SYNE2: variants seen among roughly 807,000 people sequenced by gnomAD.
SYNE2 encodes spectrin repeat containing nuclear envelope protein 2, also known as nesprin-2.
SYNE2 carries 431 observed loss-of-function variants against 856.3 expected under a neutral mutation model. That is an observed-to-expected ratio of 0.50 (90% CI 0.47 to 0.55). The LOEUF is 0.55. SYNE2 is among the 20% of genes least tolerant of loss of function. The pLI is 0.00. For synonymous variants in SYNE2, 2,923 were observed against 2,872.3 expected, an observed-to-expected ratio of 1.02 and a Z score of -0.56; for missense variants, 8,129 against 8,023.2, an observed-to-expected ratio of 1.01 and a Z score of -0.50.
At chr14:63,939,318 C>T (rs1317666910) in intron 2 of SYNE2, among the ~76,000 whole-genome samples, 2 of 151,764 alleles carry the variant, frequency 1.3e-5, no homozygotes, top group Admixed American at 1.3e-4. Flanking sequence ...TCAGGTCTTC[C>T]CCTTGACTCC....
chr14:64,209,540 T>G lies in SYNE2; in HGVS notation c.18502T>G (p.Leu6168Val). 1 of 1,614,172 alleles carries G rather than the reference T, an allele frequency of 6.2e-7. No homozygotes were observed. Among genetic ancestry groups the G allele is most frequent in the Non-Finnish European group, 8.5e-7 (1 of 1,180,038 alleles). Residue 6168 changes from leucine (L) to valine (V), a missense_variant, in exon 102 of 116, where the codon TTG becomes GTG. By Grantham distance (32) the Leu-to-Val change is conservative (BLOSUM62 1). Transcript: ENST00000555002. ...TAACPNSSEV[L>V]YTSAKEELKR... ...AGCCTGCCCAAATTCCTCAGAGGTGTTGTACACGAGTGCCAAAGAGGAACT... is the reference window on the plus strand; with the variant it reads ...AGCCTGCCCAAATTCCTCAGAGGTGGTGTACACGAGTGCCAAAGAGGAACT...
At chr14:64,077,439 T>C (rs145953843) in intron 54 of SYNE2, among the ~76,000 whole-genome samples, 2,134 of 152,152 alleles carry the variant, frequency 0.014, 15 homozygotes, top group Middle Eastern at 0.034. Flanking sequence ...AATAAAGACA[T>C]GATATAAAAG....
At chr14:64,129,191 C>A (rs1250185145) in intron 74 of SYNE2, among the ~76,000 whole-genome samples, 1 of 152,158 alleles carries the variant, frequency 6.6e-6, no homozygotes, top group Non-Finnish European at 1.5e-5. Context: ...GCTGTAGTCC[C>A]ACCTACTCCG....
intron 58 of SYNE2, among the ~76,000 whole-genome samples, chr14:64,088,686 T>C (rs1433199105): frequency 1.3e-5 from 2 of 152,214 alleles, no homozygotes; most frequent in Admixed American, 1.3e-4. Context: ...ATTGAGGGGT[T>C]GTTATTTGCC....
intron 66 of SYNE2, among the ~76,000 whole-genome samples, chr14:64,118,721 C>T (rs1007082033): frequency 4.0e-5 from 6 of 151,894 alleles, no homozygotes; most frequent in African/African-American, 1.2e-4. Context: ...ATTAGCTGGG[C>T]GTGGTGGCGC....
chr14:63,767,851 C>T (rs927998332), intron 1 of SYNE2, among the ~76,000 whole-genome samples: 8 of 152,034 alleles, frequency 5.3e-5, no homozygotes, highest in African/African-American at 1.9e-4. Context: ...ATGAATATCC[C>T]CCATGATACA....
intron 84 of SYNE2, among the ~76,000 whole-genome samples, chr14:64,149,298 T>TA (rs1051813191): frequency 6.6e-6 from 1 of 151,788 alleles, no homozygotes; most frequent in Non-Finnish European, 1.5e-5. Context: ...ACCCCATCTC[T>TA]AAAAAAACAA....
intron 57 of SYNE2, 162 bp from the exon 58 acceptor site, chr14:64,087,509 A>G (rs369309734): frequency 1.5e-4 from 124 of 806,250 alleles, no homozygotes; most frequent in Admixed American, 3.4e-4. Flanking sequence ...GAAGTCTTTC[A>G]CTGTCATTGA....
chr14:63,871,804 A>G (rs1457927233), intron 1 of SYNE2, among the ~76,000 whole-genome samples: 2 of 152,060 alleles, frequency 1.3e-5, no homozygotes, highest in Non-Finnish European at 2.9e-5. Flanking sequence ...AACTTAAATT[A>G]TATCTATATA....
chr14:64,218,103 T>A, intron 108 of SYNE2: 1 of 380,768 alleles, frequency 2.6e-6, no homozygotes, highest in Non-Finnish European at 5.0e-6. Flanking sequence ...TTCGTGTGGA[T>A]CATTTGAGGG....
chr14:64,091,225 C>G (rs1273318539), intron 60 of SYNE2, among the ~76,000 whole-genome samples, 177 bp downstream of exon 60: 1 of 152,146 alleles, frequency 6.6e-6, no homozygotes, highest in Non-Finnish European at 1.5e-5. Flanking sequence ...CAGTTCTTAT[C>G]CTTTAAGACA....
chr14:63,799,397 T>G (rs1595120577), intron 1 of SYNE2, among the ~76,000 whole-genome samples: 2 of 31,860 alleles, frequency 6.3e-5, no homozygotes, highest in Non-Finnish European at 1.9e-4. Context: ...TTTTAAAACT[T>G]TTTTTTTTTT....
intron 34 of SYNE2, 88 bp from the exon 35 acceptor site, chr14:64,019,904 T>C: frequency 1.1e-6 from 1 of 892,558 alleles, no homozygotes; most frequent in South Asian, 1.4e-5. Context: ...GCTCTCTCAG[T>C]TTCTATATAT....
intron 45 of SYNE2, among the ~76,000 whole-genome samples, chr14:64,037,418 G>T (rs530753881): frequency 2.0e-5 from 3 of 151,896 alleles, no homozygotes; most frequent in Non-Finnish European, 4.4e-5. Context: ...AGTGGACACA[G>T]CACATGTTTC....
At chr14:64,009,216 C>T (rs1334318240) in intron 31 of SYNE2, among the ~76,000 whole-genome samples, 1 of 152,042 alleles carries the variant, frequency 6.6e-6, no homozygotes, top group African/African-American at 2.4e-5. Flanking sequence ...TTAAAAAAGA[C>T]TAAATCCAGA....
chr14:63,964,962 C>CTTT (rs750645462), intron 10 of SYNE2, among the ~76,000 whole-genome samples: 6 of 131,020 alleles, frequency 4.6e-5, no homozygotes, highest in African/African-American at 1.1e-4. Context: ...TTGAACATTT[C>CTTT]TTTTTTTTTT....
intron 1 of SYNE2, among the ~76,000 whole-genome samples, chr14:63,836,919 G>A (rs1286915258): frequency 6.6e-6 from 1 of 152,178 alleles, no homozygotes; most frequent in African/African-American, 2.4e-5. Flanking sequence ...GCTTTTGTAT[G>A]TAGTTATAGT....
chr14:63,929,615 C>A (rs760665946), intron 2 of SYNE2, among the ~76,000 whole-genome samples: 17 of 151,724 alleles, frequency 1.1e-4, no homozygotes, highest in Non-Finnish European at 2.2e-4. Flanking sequence ...TACTAAAAAT[C>A]CAAAAATTAG....
intron 45 of SYNE2, among the ~76,000 whole-genome samples, chr14:64,047,768 C>T (rs2097196645): frequency 6.6e-6 from 1 of 152,048 alleles, no homozygotes; most frequent in South Asian, 2.1e-4. Context: ...CTTCAGTATA[C>T]AATTGACCAA....
Sources: gnomAD v4.1 joint callset for allele counts (sites outside exome capture counted in the v4.1 genomes callset) on GRCh38, gnomAD v4.1.1 for gene constraint, MANE v1.5 for transcripts, NCBI Gene and HGNC (gene_info 2026-07-23, HGNC 2026-07-21) for gene names.